The following ARHGAP30 variants were observed in gnomAD, a reference collection of about 807,000 sequenced individuals.
ARHGAP30 encodes the protein rho GTPase-activating protein 30.
A neutral mutation model predicts 72.0 loss-of-function variants in ARHGAP30; 23 were observed. That is an observed-to-expected ratio of 0.32 (90% CI 0.23 to 0.45). The LOEUF (loss-of-function observed/expected upper bound fraction) is 0.45, where lower values mean the gene tolerates loss of function less well. Ranked by LOEUF, ARHGAP30 falls within the 20% of genes least tolerant of loss-of-function variation. The pLI is 1.00. For synonymous variants in ARHGAP30, 576 were observed against 528.2 expected (o/e 1.09, Z -1.24); for missense variants, 1,319 against 1,383.4 (o/e 0.95, Z 0.74).
intron 3 of ARHGAP30, among the ~76,000 whole-genome samples, chr1:161,055,463 G>A (rs1016504847): frequency 3.3e-5 from 5 of 151,226 alleles, no homozygotes; most frequent in South Asian, 2.1e-4. Context: ...ACTGCACTCC[G>A]GCCTGGGTGA....
In ARHGAP30 at chr1:161,049,035, C is replaced by G. The variant is rs1006405683; in HGVS notation, c.1986G>C (p.Gln662His). Residue 662 changes from glutamine to histidine, a missense_variant, in exon 12 of 12, where the codon CAG becomes CAC. Around this residue, in one of 2 missense-constraint regions of ARHGAP30, gnomAD observed 1,097 missense variants for 1,045.2 expected, o/e 1.05. Transcript: ENST00000368013. Reference protein sequence around the residue: ...QACWEVGEDKQAEPGGRLDIR... With the variant: ...QACWEVGEDKHAEPGGRLDIR... ...TGTCTAGCCTGCCTCCAGGCTCAGCCTGCTTGTCCTCCCCAACTTCCCAGC... is the reference window on the plus strand; with the variant it reads ...TGTCTAGCCTGCCTCCAGGCTCAGCGTGCTTGTCCTCCCCAACTTCCCAGC... The G allele has an allele frequency of 6.2e-7, 1 of 1,614,120 alleles. No homozygotes were observed. Among genetic ancestry groups the G allele is most frequent in the Non-Finnish European group, 8.5e-7 (1 of 1,180,042 alleles).
chr1:161,055,488 G>A (rs1651754662), intron 3 of ARHGAP30, among the ~76,000 whole-genome samples: 2 of 151,634 alleles, frequency 1.3e-5, no homozygotes, highest in South Asian at 4.2e-4. Context: ...AGGAGACCCT[G>A]TCTCAAAAAA....
chr1:161,048,787 T>G lies in ARHGAP30; in HGVS notation c.2234A>C (p.Glu745Ala). ...EEPGGDEYTD[E>A]KEKEIEREED... ...TTCTCTCTCAATTTCTTTTTCCTTC[T>G]CATCTGTATACTCATCTCCTCCTGG... Residue 745 changes from glutamate (E) to alanine (A), a missense_variant, in exon 12 of 12, where the codon GAG becomes GCG. Glu to Ala is a moderately radical substitution (Grantham distance 107). Transcript: ENST00000368013. 1 of 1,614,142 alleles carries G rather than the reference T, an allele frequency of 6.2e-7. No individual in the cohort carries two copies. Among genetic ancestry groups the G allele is most frequent in the Non-Finnish European group, 8.5e-7 (1 of 1,180,028 alleles).
chr1:161,069,256 C>G lies in ARHGAP30; in HGVS notation c.97+272G>C, dbSNP rs560629204. 6.2e-4 allele frequency among the ~76,000 whole-genome samples: 94 copies of G among 152,290 alleles called. No homozygotes were observed. The highest frequency in any genetic ancestry group is 2.1e-3 in the African/African-American group (89 of 41,536). On this transcript the variant is annotated intron_variant, in intron 1 of 11. Transcript: ENST00000368013. This position sits in a 1 kb window ranked among gnomAD's most constrained non-coding sequence, Gnocchi z 4.9. ...TCCACTCCTCCTCGGTTTCCAGTCT[C>G]TCCATCCTCCCCCTCACTGCTACCT... is the stretch of plus-strand genomic sequence containing the variant.
chr1:161,056,683 TA>T (rs1288726469), intron 2 of ARHGAP30, 151 bp from the exon 3 acceptor site: 1 of 814,362 alleles, frequency 1.2e-6, no homozygotes, highest in African/African-American at 1.7e-5. Context: ...TGTAAGCCAG[TA>T]AGTATAAGAT....
At chr1:161,059,343 T>G (rs899478446) in intron 2 of ARHGAP30, among the ~76,000 whole-genome samples, 2 of 151,896 alleles carry the variant, frequency 1.3e-5, no homozygotes, top group Non-Finnish European at 2.9e-5. Context: ...TTTTTTTTTT[T>G]TTTTTTTTTT....
chr1:161,069,532 C>T lies in ARHGAP30; in HGVS notation c.93G>A (p.Gln31=), dbSNP rs1271704755. Residue 31 remains glutamine (Q), a synonymous_variant, in exon 1 of 12, where the codon CAG becomes CAA. Coordinates refer to ENST00000368013, the MANE Select transcript of ARHGAP30 (RefSeq NM_001025598.2). The surrounding 1 kb of genome is among the most constrained non-coding windows in gnomAD (Gnocchi z 4.9). ...AAGCTGAGCCGGCCTCCTTACCCTC[C>T]TGGCCTGAGTGCTGCAGGTGCTCCT... ...DLQEHLQHSG[Q]EVPQVLKSCA... The T allele has an allele frequency of 3.7e-6, 6 of 1,610,170 alleles. No homozygotes were observed. The highest frequency in any genetic ancestry group is 2.2e-5 in the South Asian group (2 of 91,088).
At position 161,058,873 on chromosome 1, in the gene ARHGAP30, A is replaced by G. The variant is rs1040182227; in HGVS notation, c.200+741T>C. 2.7e-5 allele frequency among the ~76,000 whole-genome samples: 4 copies of G among 150,910 alleles called. No homozygotes were observed. The Admixed American group carries it at 2.7e-4, about 10-fold the overall frequency. ...GAGACTCTATCTCAAAAAAAAAAAAAAGAAAGAAATGTCCTGGAATTAGAT... is the reference window on the plus strand; with the variant it reads ...GAGACTCTATCTCAAAAAAAAAAAAGAGAAAGAAATGTCCTGGAATTAGAT... On this transcript the variant is annotated intron_variant, in intron 2 of 11. Transcript: ENST00000368013.
chr1:161,049,746 T>A, intron 10 of ARHGAP30, 57 bp from the exon 11 acceptor site: 1 of 1,570,628 alleles, frequency 6.4e-7, no homozygotes, highest in Non-Finnish European at 8.6e-7. Context: ...CCCTTTTCAG[T>A]GTGAGTCCTC....
At chr1:161,050,523 G>C (rs562109263) in intron 10 of ARHGAP30, among the ~76,000 whole-genome samples, 3 of 151,816 alleles carry the variant, frequency 2.0e-5, no homozygotes, top group African/African-American at 7.2e-5. Context: ...TGACCAGGCT[G>C]GTCTCGAACT....
At chr1:161,054,345 A>G (rs1224700348) in intron 5 of ARHGAP30, 21 bp downstream of exon 5, 34 of 1,606,582 alleles carry the variant, frequency 2.1e-5, no homozygotes, top group Non-Finnish European at 2.8e-5. Context: ...ATCCCCATAC[A>G]CTGCTCACAC....
chr1:161,054,733 A>G (rs770045021), intron 3 of ARHGAP30, 28 bp from the exon 4 acceptor site: 4 of 1,604,344 alleles, frequency 2.5e-6, no homozygotes, highest in East Asian at 4.5e-5. Flanking sequence ...AAGAAGCAGG[A>G]ATCAGTGACC....
At position 161,054,473 on chromosome 1, in the gene ARHGAP30, C is replaced by T. The variant is rs757814758; in HGVS notation, c.429G>A (p.Arg143=). 2 of 1,613,742 alleles carry T rather than the reference C, an allele frequency of 1.2e-6. No individual in the cohort carries two copies. The highest frequency in any genetic ancestry group is 1.7e-6 in the Non-Finnish European group (2 of 1,179,832). ...VLRELPVPNY[R]TLEFLMRHLV... ...AGTGCCTCATGAGGAACTCCAGGGT[C>T]CTGCAGAAAGCGGGGGCAGGGATCA... Residue 143 remains arginine, a splice_region_variant and synonymous_variant, in exon 5 of 12, where the codon AGG becomes AGA. Coordinates refer to ENST00000368013, the MANE Select transcript of ARHGAP30 (RefSeq NM_001025598.2).
At chr1:161,052,914 T>C (rs1651522662) in intron 6 of ARHGAP30, 117 bp from the exon 7 acceptor site, 1 of 1,252,750 alleles carries the variant, frequency 8.0e-7, no homozygotes, top group African/African-American at 1.5e-5. Context: ...CAGAAGCCCC[T>C]GAAGACAGTG....
In ARHGAP30 at chr1:161,053,250, AC is replaced by A; in HGVS notation, c.664+7del. The A allele has an allele frequency of 6.2e-7, 1 of 1,613,798 alleles. No individual in the cohort carries two copies. The highest frequency in any genetic ancestry group is 1.1e-5 in the South Asian group (1 of 91,070). On this transcript the variant is annotated splice_region_variant and intron_variant, in intron 6 of 11. Coordinates refer to ENST00000368013, the MANE Select transcript of ARHGAP30 (RefSeq NM_001025598.2). ...GTGGGATATGTGGAGGGCAGGAAGG[AC>A]ACTGACCAGAGAGGGCAGCACCCCC...
At chr1:161,059,745 G>A in intron 1 of ARHGAP30, 29 bp from the exon 2 acceptor site, 2 of 1,586,156 alleles carry the variant, frequency 1.3e-6, no homozygotes, top group Non-Finnish European at 8.6e-7. Flanking sequence ...CAGAGACATA[G>A]AAATCAGAGG....
At position 161,048,756 on chromosome 1, in the gene ARHGAP30, A is replaced by G. The variant is rs1651088702; in HGVS notation, c.2265T>C (p.Asp755=). The change falls in exon 12 of 12, where the codon GAT becomes GAC. Residue 755 remains aspartate, a synonymous_variant. Coordinates refer to ENST00000368013, the MANE Select transcript of ARHGAP30 (RefSeq NM_001025598.2). ...CTACCTGGGCTTCCTCTCTTTGTTC[A>G]TCCTCTTCTCTCTCAATTTCTTTTT... ...EKEKEIEREE[D]EQREEAQVEA... 1.2e-5 allele frequency: 19 copies of G among 1,612,558 alleles called. No individual in the cohort carries two copies. The highest frequency in any genetic ancestry group is 1.5e-5 in the Non-Finnish European group (18 of 1,179,672).
In ARHGAP30 at chr1:161,052,743, C is replaced by T. The variant is rs200182799; in HGVS notation, c.719G>A (p.Ser240Asn). ...TGGCCTGGGCATAAGGTCCTCGGGG[C>T]TGCCTGATGCCCGGGTCCCTGGAAG... ...RSLPGTRASG[S>N]PEDLMPRPLP... Residue 240 changes from serine (S) to asparagine (N), a missense_variant, in exon 7 of 12, where the codon AGC (serine) becomes AAC (asparagine). Physicochemically the swap from Ser to Asn is conservative, Grantham distance 46. Transcript: ENST00000368013. 3.1e-6 allele frequency: 5 copies of T among 1,612,102 alleles called. No homozygotes were observed.
chr1:161,057,260 T>C (rs964658306), intron 2 of ARHGAP30, among the ~76,000 whole-genome samples: 3 of 151,664 alleles, frequency 2.0e-5, no homozygotes, highest in African/African-American at 7.3e-5. Context: ...GTTCGAGTGA[T>C]TCTCCTGCCT....
Sources: gnomAD v4.1 joint callset for allele counts (sites outside exome capture counted in the v4.1 genomes callset) on GRCh38, gnomAD v4.1.1 for gene constraint, gnomAD v4.1.1 regional missense constraint, Gnocchi (gnomAD v3.1) non-coding constraint, MANE v1.5 for transcripts, NCBI Gene and HGNC (gene_info 2026-07-23, HGNC 2026-07-21) for gene names.